The following HHIP variants were observed in gnomAD, a reference collection of about 807,000 sequenced individuals.
The protein encoded by HHIP is hedgehog interacting protein.
Under a neutral mutation model 74.0 loss-of-function variants are expected in HHIP, and 12 were observed. The ratio of observed to expected loss-of-function variants is 0.16; its 90% CI spans 0.10 to 0.26. The LOEUF (loss-of-function observed/expected upper bound fraction) is 0.26. HHIP is among the 10% of genes least tolerant of loss of function. The pLI is 1.00. For synonymous variants in HHIP, 309 were observed against 311.6 expected (o/e 0.99, Z 0.09); for missense variants, 788 against 845.0 (o/e 0.93, Z 0.84).
chr4:144,714,807 T>C (rs1270844415), intron 9 of HHIP, among the ~76,000 whole-genome samples: 1 of 152,166 alleles, frequency 6.6e-6, no homozygotes, highest in Non-Finnish European at 1.5e-5. Flanking sequence ...CAAAATTAAA[T>C]TTTAGTCTCA....
At chr4:144,683,645 T>G (rs1162470795) in intron 4 of HHIP, among the ~76,000 whole-genome samples, 1 of 152,198 alleles carries the variant, frequency 6.6e-6, no homozygotes, top group Non-Finnish European at 1.5e-5. Context: ...GATTCAGGCT[T>G]GACAATCTAC....
intron 4 of HHIP, among the ~76,000 whole-genome samples, chr4:144,704,935 T>TA (rs1224547410): frequency 1.3e-5 from 2 of 152,200 alleles, no homozygotes; most frequent in South Asian, 4.2e-4. Context: ...ATCGAGTCAA[T>TA]ATTAAAATCA....
In HHIP at chr4:144,734,744, T is replaced by C. The variant is rs1390189549; in HGVS notation, c.1764T>C (p.Pro588=). Residue 588 remains proline (P), a synonymous_variant, in exon 12 of 13, where the codon CCT becomes CCC. Coordinates refer to ENST00000296575, the MANE Select transcript of HHIP (RefSeq NM_022475.3). The part of the protein sequence containing the change: ...KLYKIVDPKR[P]LMPEECRATV... ...CAACTATTGTGTTTTAATGTAGACC[T>C]TTAATGCCTGAGGAATGCAGAGCCA... is the stretch of plus-strand genomic sequence containing the variant. 6.3e-7 allele frequency: 1 copy of C among 1,581,116 alleles called. No individual in the cohort carries two copies. Among genetic ancestry groups the C allele is most frequent in the East Asian group, 2.3e-5 (1 of 44,228 alleles).
At chr4:144,705,896 T>C (rs2126652255) in intron 4 of HHIP, among the ~76,000 whole-genome samples, 1 of 152,312 alleles carries the variant, frequency 6.6e-6, no homozygotes, top group Admixed American at 6.5e-5. Context: ...TTCATCCTTC[T>C]GTAAAGAAAA....
intron 4 of HHIP, among the ~76,000 whole-genome samples, chr4:144,699,572 C>T (rs1480232487): frequency 6.6e-6 from 1 of 152,040 alleles, no homozygotes; most frequent in Non-Finnish European, 1.5e-5. Flanking sequence ...TGGTGGGTTC[C>T]TCTGGCTGCA....
At chr4:144,703,232 A>G (rs1217886189) in intron 4 of HHIP, among the ~76,000 whole-genome samples, 2 of 151,140 alleles carry the variant, frequency 1.3e-5, no homozygotes, top group Admixed American at 6.6e-5. Flanking sequence ...AAAAAGGGAT[A>G]ATGTTAGAAA....
chr4:144,680,932 C>T (rs1163674952), intron 4 of HHIP, among the ~76,000 whole-genome samples: 1 of 152,120 alleles, frequency 6.6e-6, no homozygotes, highest in South Asian at 2.1e-4. Context: ...TACTAAAATG[C>T]AGAAAATTTC....
chr4:144,675,968 A>G (rs1366862866), intron 4 of HHIP, among the ~76,000 whole-genome samples: 1 of 152,194 alleles, frequency 6.6e-6, no homozygotes, highest in African/African-American at 2.4e-5. Context: ...AACTTCAGTA[A>G]TTTTTCAGTG....
At chr4:144,691,536 T>C (rs768724442) in intron 4 of HHIP, among the ~76,000 whole-genome samples, 3 of 152,218 alleles carry the variant, frequency 2.0e-5, no homozygotes, top group Non-Finnish European at 4.4e-5. Flanking sequence ...GAAATATCTA[T>C]GTAGTTTTTG....
At chr4:144,706,729 CTCA>C in intron 5 of HHIP, 47 bp downstream of exon 5, 1 of 1,526,074 alleles carries the variant, frequency 6.6e-7, no homozygotes, top group Non-Finnish European at 8.8e-7. Flanking sequence ...ATCTTATTTT[CTCA>C]TCATCTTTTC....
At position 144,735,586 on chromosome 4, in the gene HHIP, G is replaced by A. The variant is rs748242824; in HGVS notation, c.1909+697G>A. Among the ~76,000 whole-genome samples, 51 of 152,188 alleles carry A rather than the reference G, an allele frequency of 3.4e-4. 1 individual carries two copies. Among genetic ancestry groups the A allele is most frequent in the South Asian group, 8.3e-4 (4 of 4,832 alleles). Reference sequence around the variant, plus strand: ...AATTAGATAAATTTAGAAACCTAGAGTTTAAAATGTGTATGTTGAAAATGC... The same window carrying A: ...AATTAGATAAATTTAGAAACCTAGAATTTAAAATGTGTATGTTGAAAATGC... On this transcript the variant is annotated intron_variant, in intron 12 of 12. Coordinates refer to ENST00000296575, the MANE Select transcript of HHIP (RefSeq NM_022475.3).
At position 144,706,508 on chromosome 4, in the gene HHIP, TTG is replaced by T. The variant is rs1578712452; in HGVS notation, c.832-19_832-18del. On this transcript the variant is annotated intron_variant, in intron 4 of 12. Transcript: ENST00000296575. ...AGAACATAATTAACTTTACAATTCT[TTG>T]TGTTTTTCATTTGACTGCAGGGAGG... The T allele has an allele frequency of 1.9e-6, 3 of 1,568,606 alleles. No individual in the cohort carries two copies. In the East Asian group the frequency reaches 6.9e-5, roughly 36 times the overall value.
chr4:144,658,651 G>A (rs367613522), intron 2 of HHIP, 139 bp from the exon 3 acceptor site: 1 of 660,182 alleles, frequency 1.5e-6, no homozygotes, highest in African/African-American at 1.8e-5. Flanking sequence ...TTACAGGACT[G>A]TTTTTATTTC....
chr4:144,734,106 G>A (rs923385159), intron 11 of HHIP, among the ~76,000 whole-genome samples: 35 of 150,964 alleles, frequency 2.3e-4, no homozygotes, highest in African/African-American at 8.3e-4. Context: ...CATATATATG[G>A]ATCTTTCTGT....
chr4:144,724,698 G>GTA lies in HHIP; in HGVS notation c.1760+5752_1760+5753dup, dbSNP rs982607286. On this transcript the variant is annotated intron_variant, in intron 11 of 12. Coordinates refer to ENST00000296575, the MANE Select transcript of HHIP (RefSeq NM_022475.3). ...TATATATATTTATATATATATATAA[G>GTA]TATATATATATGTATGTATGCATAT... 5.7e-4 allele frequency among the ~76,000 whole-genome samples: 18 copies of GTA among 31,748 alleles called. No homozygotes were observed. In the South Asian group the frequency reaches 9.3e-3, roughly 16 times the overall value. 20.8% of individuals were successfully genotyped at this position (31,748 alleles called of 152,430 possible).
chr4:144,687,257 G>T (rs977079323), intron 4 of HHIP, among the ~76,000 whole-genome samples: 1 of 152,090 alleles, frequency 6.6e-6, no homozygotes, highest in East Asian at 1.9e-4. Flanking sequence ...AATAAGTATG[G>T]CTTTCACATA....
intron 4 of HHIP, among the ~76,000 whole-genome samples, chr4:144,674,195 A>G (rs1729116315): frequency 6.6e-6 from 1 of 152,224 alleles, no homozygotes; most frequent in Non-Finnish European, 1.5e-5. Flanking sequence ...AATTGAAAGT[A>G]CCAACCTCGT....
chr4:144,730,847 G>A (rs1188167273), intron 11 of HHIP, among the ~76,000 whole-genome samples: 1 of 152,098 alleles, frequency 6.6e-6, no homozygotes, highest in East Asian at 1.9e-4. Flanking sequence ...TATTGGAGGG[G>A]AATGGTTGGA....
rs369886920 is a variant in HHIP at position 144,654,573 on chromosome 4, A to C, written c.472+1776A>C. Reference sequence around the variant, plus strand: ...TGAGCTGTAATAACACAGTCTTTGCATTACTTATGCTAATCGATTTGTTGC... The same window carrying C: ...TGAGCTGTAATAACACAGTCTTTGCCTTACTTATGCTAATCGATTTGTTGC... On this transcript the variant is annotated intron_variant, in intron 2 of 12. Transcript: ENST00000296575. 2.3e-4 allele frequency among the ~76,000 whole-genome samples: 35 copies of C among 152,306 alleles called. 1 individual carries two copies. The East Asian group carries it at 2.7e-3, about 12-fold the overall frequency.
Sources: gnomAD v4.1 joint callset for allele counts (sites outside exome capture counted in the v4.1 genomes callset) on GRCh38, gnomAD v4.1.1 for gene constraint, MANE v1.5 for transcripts, NCBI Gene and HGNC (gene_info 2026-07-23, HGNC 2026-07-21) for gene names.